Variants in SP1 observed in about 807,000 individuals in gnomAD.
SP1 encodes the protein Sp1 transcription factor, also known as transcription factor Sp1.
Under a neutral mutation model 66.3 loss-of-function variants are expected in SP1, and 6 were observed. The observed-to-expected ratio is 0.09, with a 90% CI of 0.05 to 0.18. The LOEUF (loss-of-function observed/expected upper bound fraction) is 0.18, where lower values mean the gene tolerates loss of function less well. SP1 is among the 10% of genes least tolerant of loss of function. The probability of loss-of-function intolerance (pLI) is 1.00; values close to 1 mark genes in which losing one functional copy is unlikely to be tolerated. For synonymous variants in SP1, 417 were observed against 360.8 expected, an observed-to-expected ratio of 1.16 and a Z score of -1.77; for missense variants, 848 against 964.5, an observed-to-expected ratio of 0.88 and a Z score of 1.60.
At chr12:53,381,935 A>G (rs1938109292) in intron 2 of SP1, 122 bp downstream of exon 2, 1 of 1,246,960 alleles carries the variant, frequency 8.0e-7, no homozygotes, top group South Asian at 1.5e-5. Flanking sequence ...ATAAGGAAGT[A>G]AGAGAATGGA....
chr12:53,401,179 C>T (rs993327045), intron 3 of SP1, among the ~76,000 whole-genome samples: 9 of 151,704 alleles, frequency 5.9e-5, no homozygotes, highest in African/African-American at 1.2e-4. Context: ...TGGCCTGGCA[C>T]GGTGGCACGT....
intron 3 of SP1, among the ~76,000 whole-genome samples, chr12:53,392,197 T>C (rs1938369075): frequency 6.6e-6 from 1 of 152,174 alleles, no homozygotes. Context: ...TTTGTTTTTT[T>C]GAGACGGAGT....
At chr12:53,405,129 G>A (rs1017185158) in intron 3 of SP1, among the ~76,000 whole-genome samples, 2 of 151,836 alleles carry the variant, frequency 1.3e-5, no homozygotes, top group Admixed American at 6.6e-5. Context: ...GATTACAGGC[G>A]TGAGCTACCA....
intron 3 of SP1, among the ~76,000 whole-genome samples, chr12:53,387,197 C>G (rs571285285): frequency 6.6e-6 from 1 of 151,108 alleles, no homozygotes; most frequent in East Asian, 2.0e-4. Context: ...GTGATCCGCC[C>G]GCCTTGGCCT....
chr12:53,381,553 G>A (rs968701163), intron 1 of SP1, 106 bp from the exon 2 acceptor site: 1 of 1,040,304 alleles, frequency 9.6e-7, no homozygotes, highest in Non-Finnish European at 1.4e-6. Context: ...GGTGGCTTTC[G>A]CCTTCCTGTT....
At chr12:53,380,376 C>A (rs1938054464) in intron 1 of SP1, 78 bp downstream of exon 1, 1 of 1,254,606 alleles carries the variant, frequency 8.0e-7, no homozygotes, top group East Asian at 3.1e-5. Context: ...GGGCGATCCC[C>A]GCCGTGAAGC....
chr12:53,392,506 G>A (rs924581589), intron 3 of SP1, among the ~76,000 whole-genome samples: 6 of 150,814 alleles, frequency 4.0e-5, no homozygotes, highest in Admixed American at 2.6e-4. Context: ...ACAGGCGCCC[G>A]CCACTACGCC....
intron 3 of SP1, among the ~76,000 whole-genome samples, chr12:53,393,356 C>T (rs566270102): frequency 1.3e-5 from 2 of 151,508 alleles, no homozygotes; most frequent in South Asian, 4.2e-4. Context: ...GCGATCTCTG[C>T]TCACCGCAAC....
chr12:53,393,532 C>T (rs561820634), intron 3 of SP1, among the ~76,000 whole-genome samples: 1 of 151,652 alleles, frequency 6.6e-6, no homozygotes, highest in Non-Finnish European at 1.5e-5. Flanking sequence ...ATCTGCTCAC[C>T]TCAGCCTCCC....
In SP1 at chr12:53,383,076, G is replaced by A; in HGVS notation, c.1129G>A (p.Gly377Arg). The change falls in exon 3 of 6, where the codon GGA becomes AGA. Residue 377 changes from glycine to arginine, a missense_variant. Gly to Arg is a moderately radical substitution (Grantham distance 125, BLOSUM62 -2). This residue lies in a region of SP1 where 606 missense variants were observed against 589.9 expected (regional missense o/e 1.03). Coordinates refer to ENST00000327443, the MANE Select transcript of SP1 (RefSeq NM_138473.3). ...GAACATCCAGCAAAACCAGACATCT[G>A]GAGGCTCATTGCAAGCAGGCCAGCA... is the stretch of plus-strand genomic sequence containing the variant. ...ALNIQQNQTS[G>R]GSLQAGQQKE... 2 of 1,614,160 alleles carry A rather than the reference G, an allele frequency of 1.2e-6. No homozygotes were observed. Among genetic ancestry groups the A allele is most frequent in the Non-Finnish European group, 1.7e-6 (2 of 1,180,044 alleles).
chr12:53,384,367 C>G (rs995242924), intron 3 of SP1, among the ~76,000 whole-genome samples: 2 of 151,930 alleles, frequency 1.3e-5, no homozygotes, highest in African/African-American at 2.4e-5. Flanking sequence ...TCACTGCAAC[C>G]TCTGCCTCCC....
intron 4 of SP1, among the ~76,000 whole-genome samples, chr12:53,408,709 A>G (rs553779077): frequency 2.7e-5 from 4 of 149,448 alleles, no homozygotes; most frequent in African/African-American, 9.9e-5. Flanking sequence ...GATCGAGACC[A>G]TCCTGGCTAA....
At position 53,383,641 on chromosome 12, in the gene SP1, T is replaced by G. The variant is rs1387174368; in HGVS notation, c.1675+19T>G. 6.3e-7 allele frequency: 1 copy of G among 1,575,758 alleles called. No homozygotes were observed. The highest frequency in any genetic ancestry group is 1.7e-5 in the Admixed American group (1 of 58,326). ...GCCCCAGGTAAGATTTCCAATCTTGTGCATTTATTGGGAACCAACTCTAGC... is the reference window on the plus strand; with the variant it reads ...GCCCCAGGTAAGATTTCCAATCTTGGGCATTTATTGGGAACCAACTCTAGC... On this transcript the variant is annotated intron_variant, in intron 3 of 5. Coordinates refer to ENST00000327443, the MANE Select transcript of SP1 (RefSeq NM_138473.3).
chr12:53,396,148 G>T (rs1470691079), intron 3 of SP1, among the ~76,000 whole-genome samples: 1 of 151,362 alleles, frequency 6.6e-6, no homozygotes, highest in Non-Finnish European at 1.5e-5. Flanking sequence ...GGGTGTGGTG[G>T]CAGGCACCTG....
intron 4 of SP1, among the ~76,000 whole-genome samples, chr12:53,407,358 G>GTT (rs1938767647): frequency 6.6e-6 from 1 of 150,646 alleles, no homozygotes; most frequent in Admixed American, 6.6e-5. Flanking sequence ...GACAAAGTCA[G>GTT]TCTGTGTTTC....
In SP1 at chr12:53,413,076, G is replaced by C. The variant is rs1325346387; in HGVS notation, c.*1836G>C. ...AGCAAGTGTTTTTGTATGTGTGGGT[G>C]AATGTGTGTTCATGCCCGTATATGT... On this transcript the variant is annotated 3_prime_UTR_variant, in exon 6 of 6. Transcript: ENST00000327443. 6.6e-6 allele frequency: 1 copy of C among 152,512 alleles called. No homozygotes were observed. The highest frequency in any genetic ancestry group is 6.6e-5 in the Admixed American group (1 of 15,258). The allele number at this position is 152,512 out of a possible 1,614,324, so 9.4% of individuals were successfully genotyped here. A position where few individuals can be genotyped will look rare whatever the true frequency, so the allele number is the denominator to read the frequency against.
At position 53,381,763 on chromosome 12, in the gene SP1, G is replaced by T. The variant is rs1938103734; in HGVS notation, c.112G>T (p.Ala38Ser). ...NGNGGGAFSQ[A>S]RSSSTGSSSS... is the part of the protein sequence containing the mutation. Reference sequence around the variant, plus strand: ...TAATGGTGGTGGTGCCTTTTCACAGGCTCGAAGTAGCAGCACAGGCAGTAG... The same window carrying T: ...TAATGGTGGTGGTGCCTTTTCACAGTCTCGAAGTAGCAGCACAGGCAGTAG... Residue 38 changes from alanine to serine, a missense_variant, in exon 2 of 6, where the codon GCT (alanine) becomes TCT (serine). Physicochemically the swap from Ala to Ser is moderately conservative, Grantham distance 99. Coordinates refer to ENST00000327443, the MANE Select transcript of SP1 (RefSeq NM_138473.3). 2 of 1,614,006 alleles carry T rather than the reference G, an allele frequency of 1.2e-6. No individual in the cohort carries two copies. Among genetic ancestry groups the T allele is most frequent in the Non-Finnish European group, 8.5e-7 (1 of 1,180,016 alleles).
chr12:53,393,047 A>C (rs1592561945), intron 3 of SP1, among the ~76,000 whole-genome samples: 1 of 138,824 alleles, frequency 7.2e-6, no homozygotes, highest in Non-Finnish European at 1.6e-5. Context: ...CAGGTCTTGA[A>C]CTCCTGACCT....
intron 3 of SP1, among the ~76,000 whole-genome samples, chr12:53,399,243 TG>T (rs1938553939): frequency 2.6e-5 from 4 of 152,364 alleles, no homozygotes; most frequent in African/African-American, 9.6e-5. Flanking sequence ...TAAACTTTTT[TG>T]TTTTTTGTTT....
Sources: allele counts gnomAD v4.1 joint callset (sites outside exome capture counted in the v4.1 genomes callset), GRCh38; gene constraint gnomAD v4.1.1; regional missense constraint gnomAD v4.1.1; transcripts MANE v1.5; gene names NCBI Gene and HGNC (gene_info 2026-07-23, HGNC 2026-07-21).